GLIS1: variants seen among roughly 807,000 people sequenced by gnomAD.
The protein encoded by GLIS1 is zinc finger protein GLIS1.
GLIS1 carries 24 observed loss-of-function variants against 63.8 expected under a neutral mutation model. The observed-to-expected ratio is 0.38, with a 90% CI of 0.27 to 0.53. The LOEUF (loss-of-function observed/expected upper bound fraction) is 0.53. GLIS1 is among the 20% of genes least tolerant of loss of function. The probability of loss-of-function intolerance (pLI) is 0.85; values close to 1 mark genes in which losing one functional copy is unlikely to be tolerated. For synonymous variants in GLIS1, 450 were observed against 482.5 expected, an observed-to-expected ratio of 0.93 and a Z score of 0.88; for missense variants, 1,036 against 1,074.1, an observed-to-expected ratio of 0.96 and a Z score of 0.50.
Position 53,539,375 on chromosome 1 carries a change from CAT to C in GLIS1, c.1321-9425_1321-9424del, listed in dbSNP as rs1040342155. ...ATATATACCACATAACACACCCACACATATCATACCACACACACACTCCACAG... is the reference window on the plus strand; with the variant it reads ...ATATATACCACATAACACACCCACACATCATACCACACACACACTCCACAG... On this transcript the variant is annotated intron_variant, in intron 4 of 10. Coordinates refer to ENST00000628545, the MANE Select transcript of GLIS1 (RefSeq NM_001367484.1). This position sits in a 1 kb window ranked among gnomAD's most constrained non-coding sequence, Gnocchi z 5.0. Among the ~76,000 whole-genome samples, 7 of 151,594 alleles carry C rather than the reference CAT, an allele frequency of 4.6e-5. No homozygotes were observed. Among genetic ancestry groups the C allele is most frequent in the African/African-American group, 1.7e-4 (7 of 41,264 alleles).
intron 5 of GLIS1, among the ~76,000 whole-genome samples, chr1:53,528,970 T>G (rs1644500094): frequency 6.6e-6 from 1 of 152,140 alleles, no homozygotes; most frequent in Non-Finnish European, 1.5e-5. Context: ...AAGGCCCTGG[T>G]CTGAGTCAGC....
intron 2 of GLIS1, among the ~76,000 whole-genome samples, chr1:53,677,292 C>A (rs80063810): frequency 6.6e-6 from 1 of 152,314 alleles, no homozygotes; most frequent in East Asian, 1.9e-4. Flanking sequence ...CCATGAAGGA[C>A]CAGCAGGGAT....
chr1:53,703,125 C>T (rs1163415083), intron 2 of GLIS1, among the ~76,000 whole-genome samples: 2 of 152,232 alleles, frequency 1.3e-5, no homozygotes, highest in East Asian at 3.8e-4. Flanking sequence ...CCTGGCAGGG[C>T]TCTGGTGGAA....
At chr1:53,600,360 G>A in intron 2 of GLIS1, 82 bp from the exon 3 acceptor site, 1 of 891,802 alleles carries the variant, frequency 1.1e-6, no homozygotes. Context: ...GCAGTCCCTG[G>A]GGTACAGCAA....
intron 4 of GLIS1, among the ~76,000 whole-genome samples, chr1:53,572,183 T>C (rs1050680243): frequency 2.0e-5 from 3 of 152,136 alleles, no homozygotes; most frequent in Non-Finnish European, 4.4e-5. Flanking sequence ...TGGGGCCAAA[T>C]AGTACTTATG....
intron 2 of GLIS1, among the ~76,000 whole-genome samples, chr1:53,647,138 A>C (rs1247608061): frequency 1.3e-5 from 2 of 152,222 alleles, no homozygotes; most frequent in Admixed American, 1.3e-4. Context: ...GGAAGTTGCA[A>C]ATTTTTCTTC....
intron 7 of GLIS1, among the ~76,000 whole-genome samples, chr1:53,519,365 C>T (rs1644383714): frequency 6.6e-6 from 1 of 152,228 alleles, no homozygotes; most frequent in Admixed American, 6.5e-5. Flanking sequence ...CTTCCTGAGG[C>T]TGTTTGGCAA....
At chr1:53,555,555 C>T (rs1397781660) in intron 4 of GLIS1, among the ~76,000 whole-genome samples, 1 of 152,064 alleles carries the variant, frequency 6.6e-6, no homozygotes, top group Non-Finnish European at 1.5e-5. Context: ...AAAACAAAAA[C>T]AAAATGCATA....
At chr1:53,573,464 C>T (rs1335172850) in intron 4 of GLIS1, among the ~76,000 whole-genome samples, 5 of 152,274 alleles carry the variant, frequency 3.3e-5, no homozygotes, top group South Asian at 2.1e-4. Flanking sequence ...GGAATGGTGC[C>T]CTCCTCAGGC....
At chr1:53,731,564 G>A (rs139345746) in intron 2 of GLIS1, among the ~76,000 whole-genome samples, 18 of 152,326 alleles carry the variant, frequency 1.2e-4, no homozygotes, top group African/African-American at 4.3e-4. Flanking sequence ...ACAGACCTGG[G>A]TTCAAATTCC....
intron 2 of GLIS1, among the ~76,000 whole-genome samples, chr1:53,612,271 G>T (rs149456497): frequency 6.6e-6 from 1 of 151,996 alleles, no homozygotes; most frequent in East Asian, 1.9e-4. Context: ...ATGGAGTCTC[G>T]CTCTGTCACC....
rs150269482 is a variant in GLIS1 at position 53,717,571 on chromosome 1, C to A, written c.259+20235G>T. ...CTTATAAGGCAAAACCCCCACTTCACCCAATACACACACACTCACTGAAAA... is the reference window on the plus strand; with the variant it reads ...CTTATAAGGCAAAACCCCCACTTCAACCAATACACACACACTCACTGAAAA... On this transcript the variant is annotated intron_variant, in intron 2 of 10. Transcript: ENST00000628545. Among the ~76,000 whole-genome samples, 84 of 152,296 alleles carry A rather than the reference C, an allele frequency of 5.5e-4. 1 individual carries two copies. Among genetic ancestry groups the A allele is most frequent in the African/African-American group, 1.9e-3 (79 of 41,560 alleles).
intron 4 of GLIS1, among the ~76,000 whole-genome samples, chr1:53,570,241 C>T (rs948805942): frequency 1.1e-4 from 17 of 151,834 alleles, no homozygotes; most frequent in African/African-American, 4.1e-4. Flanking sequence ...CTCAGCCTCC[C>T]AAGTCACTGG....
chr1:53,726,095 A>C (rs1646802579), intron 2 of GLIS1, among the ~76,000 whole-genome samples: 1 of 152,234 alleles, frequency 6.6e-6, no homozygotes, highest in African/African-American at 2.4e-5. Flanking sequence ...CATGAGAGAT[A>C]AATGACAAAC....
At chr1:53,681,835 A>G (rs1570040190) in intron 2 of GLIS1, among the ~76,000 whole-genome samples, 1 of 128,904 alleles carries the variant, frequency 7.8e-6, no homozygotes, top group African/African-American at 3.5e-5. Context: ...CTGGGACTGA[A>G]CCCCCTCTCT....
At chr1:53,589,448 A>G (rs1372807620) in intron 4 of GLIS1, among the ~76,000 whole-genome samples, 1 of 152,226 alleles carries the variant, frequency 6.6e-6, no homozygotes. Flanking sequence ...AGGGAAAGCC[A>G]GAAGCCCCAG....
chr1:53,549,148 G>A (rs751936757), intron 4 of GLIS1, among the ~76,000 whole-genome samples: 3 of 152,166 alleles, frequency 2.0e-5, no homozygotes, highest in Non-Finnish European at 2.9e-5. Context: ...ATTTTCCATT[G>A]TATGGATATA....
At chr1:53,644,740 T>G (rs944280619) in intron 2 of GLIS1, among the ~76,000 whole-genome samples, 1 of 152,040 alleles carries the variant, frequency 6.6e-6, no homozygotes, top group African/African-American at 2.4e-5. Context: ...AACGGTGCAT[T>G]TGGGGGGCCC....
intron 4 of GLIS1, among the ~76,000 whole-genome samples, chr1:53,564,109 C>A (rs980273062): frequency 6.6e-6 from 1 of 152,128 alleles, no homozygotes; most frequent in Non-Finnish European, 1.5e-5. Flanking sequence ...TAGAGCTAAA[C>A]GCACACTGTT....
Sources: allele counts gnomAD v4.1 joint callset (sites outside exome capture counted in the v4.1 genomes callset), GRCh38; gene constraint gnomAD v4.1.1; non-coding constraint Gnocchi (gnomAD v3.1); transcripts MANE v1.5; gene names NCBI Gene and HGNC (gene_info 2026-07-23, HGNC 2026-07-21).